The following POLI variants were observed in gnomAD, a reference collection of about 807,000 sequenced individuals.
The protein encoded by POLI is RAD30 homolog B.
In POLI, 58 loss-of-function variants were observed where a neutral mutation model predicts 51.6. The ratio of observed to expected loss-of-function variants is 1.12; its 90% CI spans 0.91 to 1.40. The LOEUF (loss-of-function observed/expected upper bound fraction) is 1.40. Ranked by LOEUF, POLI falls within the 40% of genes most tolerant of loss-of-function variation. The pLI is 0.00. For synonymous variants in POLI, 322 were observed against 299.7 expected (o/e 1.07, Z -0.77); for missense variants, 921 against 871.3 (o/e 1.06, Z -0.72).
chr18:54,287,605 G>A (rs2087808531), intron 8 of POLI, 194 bp downstream of exon 8: 2 of 431,370 alleles, frequency 4.6e-6, no homozygotes, highest in Non-Finnish European at 4.3e-6. Context: ...TTTTGAGACA[G>A]GGTCTTGCTC....
At chr18:54,314,133 A>G (rs1427143982) in intron 3 of POLI, among the ~76,000 whole-genome samples, 2 of 152,120 alleles carry the variant, frequency 1.3e-5, no homozygotes, top group African/African-American at 4.8e-5. Flanking sequence ...TTTGATGCCT[A>G]GTTTGTTGAG....
intron 3 of POLI, among the ~76,000 whole-genome samples, chr18:54,307,243 C>T (rs1361038683): frequency 6.6e-6 from 1 of 152,164 alleles, no homozygotes; most frequent in African/African-American, 2.4e-5. Flanking sequence ...ATAAATTTCC[C>T]TCTATAGACA....
intron 3 of POLI, among the ~76,000 whole-genome samples, chr18:54,315,612 A>C (rs910148453): frequency 6.6e-6 from 1 of 152,114 alleles, no homozygotes; most frequent in Non-Finnish European, 1.5e-5. Context: ...GTCTAGAAGT[A>C]GTTGTTTTAT....
intron 8 of POLI, among the ~76,000 whole-genome samples, chr18:54,290,470 C>T (rs2087953745): frequency 6.6e-6 from 1 of 152,140 alleles, no homozygotes; most frequent in South Asian, 2.1e-4. Flanking sequence ...CCAGTGATCC[C>T]ATTACTGGGT....
chr18:54,314,845 ATCT>A (rs1377549830), intron 3 of POLI, among the ~76,000 whole-genome samples: 1 of 146,498 alleles, frequency 6.8e-6, no homozygotes, highest in African/African-American at 2.5e-5. Context: ...GTTTATTTGG[ATCT>A]TCTTTTTTTC....
chr18:54,317,655 GAGTTGGGAGA>G lies in POLI; in HGVS notation c.334-2617_334-2608del, dbSNP rs1435390571. Among the ~76,000 whole-genome samples, 7 of 152,220 alleles carry G rather than the reference GAGTTGGGAGA, an allele frequency of 4.6e-5. No individual in the cohort carries two copies. The East Asian group carries it at 1.4e-3, about 29-fold the overall frequency. The stretch of plus-strand genomic sequence containing the variant: ...AAGCAGGAGAATTGCTTGAGGCTAG[GAGTTGGGAGA>G]CCAGCCTAGGCAATACAGCAAGACC... On this transcript the variant is annotated intron_variant, in intron 3 of 4. Transcript: ENST00000579823.
rs749788218 is a variant in POLI at position 54,294,801 on chromosome 18, A to G, written c.*334A>G. 7.2e-6 allele frequency: 7 copies of G among 971,612 alleles called. No individual in the cohort carries two copies. The highest frequency in any genetic ancestry group is 1.9e-5 in the African/African-American group (1 of 53,132). 60.2% of individuals were successfully genotyped at this position (971,612 alleles called of 1,614,324 possible). ...AAAATAGCCAAATCGTTGCAATGAT[A>G]TGGTAAAGGACACATTTTTTTTTTT... On this transcript the variant is annotated 3_prime_UTR_variant, in exon 10 of 10. Transcript: ENST00000579534.
intron 7 of POLI, among the ~76,000 whole-genome samples, chr18:54,286,201 G>A (rs1375458997): frequency 6.6e-6 from 1 of 152,126 alleles, no homozygotes; most frequent in African/African-American, 2.4e-5. Flanking sequence ...TTCAAGTTGA[G>A]TGTGTTTAAC....
downstream of POLI, among the ~76,000 whole-genome samples, chr18:54,298,833 C>T (rs539679495): frequency 3.3e-4 from 50 of 151,904 alleles, no homozygotes; most frequent in African/African-American, 1.1e-3. Flanking sequence ...GTGATCTGCC[C>T]GCCTCAGCCT....
At chr18:54,311,042 A>AGG in intron 3 of POLI, 1 of 942,978 alleles carries the variant, frequency 1.1e-6, no homozygotes, top group Non-Finnish European at 1.3e-6. Flanking sequence ...GATTACAGGC[A>AGG]TGAGCCACTG....
chr18:54,296,800 CT>C lies in POLI; in HGVS notation c.*2338del. Reference sequence around the variant, plus strand: ...CAATAAATATATTTTTCATTTGATTCTTTTTAACTTCCCGTTTACTCATTAC... The same window carrying C: ...CAATAAATATATTTTTCATTTGATTCTTTTAACTTCCCGTTTACTCATTAC... On this transcript the variant is annotated 3_prime_UTR_variant, in exon 10 of 10. Transcript: ENST00000579534. 3.9e-6 allele frequency: 2 copies of C among 513,878 alleles called. No individual in the cohort carries two copies. Among genetic ancestry groups the C allele is most frequent in the Non-Finnish European group, 5.0e-6 (2 of 401,758 alleles). The allele number at this position is 513,878 out of a possible 1,614,324, so 31.8% of individuals were successfully genotyped here.
chr18:54,319,321 A>G (rs1040471724), intron 3 of POLI, among the ~76,000 whole-genome samples: 1 of 152,120 alleles, frequency 6.6e-6, no homozygotes, highest in African/African-American at 2.4e-5. Context: ...ACTCCCCTCT[A>G]TGGAAACCAC....
At chr18:54,287,650 G>A in intron 8 of POLI, 1 of 280,904 alleles carries the variant, frequency 3.6e-6, no homozygotes, top group Non-Finnish European at 6.9e-6. Context: ...TGCTGTGATA[G>A]CTCACTGCAG....
downstream of POLI, among the ~76,000 whole-genome samples, chr18:54,301,674 C>T (rs1257386906): frequency 6.6e-6 from 1 of 152,138 alleles, no homozygotes; most frequent in Non-Finnish European, 1.5e-5. Flanking sequence ...TGAACTCTAG[C>T]TGTTCGTGCC....
chr18:54,280,887 C>T lies in POLI; in HGVS notation c.780C>T (p.His260=), dbSNP rs767332183. 42 of 1,575,998 alleles carry T rather than the reference C, an allele frequency of 2.7e-5. No homozygotes were observed. The highest frequency in any genetic ancestry group is 3.4e-5 in the Non-Finnish European group (39 of 1,145,564). The part of the protein sequence containing the change: ...SCQHLIHSLN[H]IKEIPGIGYK... ...AACATCTTATTCATAGTTTGAATCA[C>T]ATAAAGGAAATACCTGGTAAGACAA... is the stretch of plus-strand genomic sequence containing the variant. Residue 260 remains histidine (H), a synonymous_variant, in exon 5 of 10, where the codon CAC becomes CAT. Coordinates refer to ENST00000579534, the MANE Select transcript of POLI (RefSeq NM_007195.3).
In POLI at chr18:54,297,037, C is replaced by G; in HGVS notation, c.*2570C>G. The stretch of plus-strand genomic sequence containing the variant: ...AGTATGATTTGAGTTCGTTGCTTCT[C>G]TGGGTGAGGTGGTACAAACTCCTTG... On this transcript the variant is annotated 3_prime_UTR_variant, in exon 10 of 10. Coordinates refer to ENST00000579534, the MANE Select transcript of POLI (RefSeq NM_007195.3). 1.0e-6 allele frequency: 1 copy of G among 985,392 alleles called. No homozygotes were observed. Among genetic ancestry groups the G allele is most frequent in the Non-Finnish European group, 1.2e-6 (1 of 829,930 alleles). 61.0% of individuals were successfully genotyped at this position (985,392 alleles called of 1,614,324 possible).
At chr18:54,306,733 T>G (rs2144638554) in intron 3 of POLI, among the ~76,000 whole-genome samples, 1 of 152,342 alleles carries the variant, frequency 6.6e-6, no homozygotes. Flanking sequence ...AGGCTATTAA[T>G]TGTTGCCTCA....
chr18:54,284,664 CTG>C (rs891795866), intron 7 of POLI: 3 of 152,240 alleles, frequency 2.0e-5, no homozygotes, highest in Admixed American at 1.3e-4. Flanking sequence ...TTGCCTCAGA[CTG>C]TAAAATAAAA....
chr18:54,275,567 A>T (rs1256308507), intron 3 of POLI, among the ~76,000 whole-genome samples: 1 of 152,220 alleles, frequency 6.6e-6, no homozygotes, highest in Non-Finnish European at 1.5e-5. Flanking sequence ...GTACAAAGTC[A>T]TGTATCATGT....
Sources: gnomAD v4.1 joint callset for allele counts (sites outside exome capture counted in the v4.1 genomes callset) on GRCh38, gnomAD v4.1.1 for gene constraint, MANE v1.5 for transcripts, NCBI Gene and HGNC (gene_info 2026-07-23, HGNC 2026-07-21) for gene names.